The following SDK1 variants were observed in gnomAD, a reference collection of about 807,000 sequenced individuals.
The protein encoded by SDK1 is protein sidekick-1.
A neutral mutation model predicts 245.5 loss-of-function variants in SDK1; 157 were observed. That is an observed-to-expected ratio of 0.64 (90% CI 0.56 to 0.73). The LOEUF (loss-of-function observed/expected upper bound fraction) is 0.73, where lower values mean the gene tolerates loss of function less well. Among genes scored for constraint, SDK1 ranks in the 30% least tolerant of loss-of-function variants. The probability of loss-of-function intolerance (pLI) is 0.00; values close to 1 mark genes in which losing one functional copy is unlikely to be tolerated. For missense variants in SDK1, 3,583 were observed against 3,002.3 expected, an observed-to-expected ratio of 1.19 and a Z score of -4.52; for synonymous variants, 1,647 against 1,278.5, an observed-to-expected ratio of 1.29 and a Z score of -6.15.
chr7:3,427,521 C>CAAA (rs57827479), intron 1 of SDK1, among the ~76,000 whole-genome samples: 1 of 96,176 alleles, frequency 1.0e-5, no homozygotes, highest in African/African-American at 3.2e-5. Context: ...CTCCATCTCC[C>CAAA]AAAAAAAAAA....
At chr7:3,339,424 A>C (rs1034095714) in intron 1 of SDK1, among the ~76,000 whole-genome samples, 3 of 152,210 alleles carry the variant, frequency 2.0e-5, no homozygotes, top group Non-Finnish European at 2.9e-5. Context: ...TATAGGACTT[A>C]CACAATTGAC....
At chr7:3,860,352 A>T (rs1780661329) in intron 5 of SDK1, among the ~76,000 whole-genome samples, 1 of 152,204 alleles carries the variant, frequency 6.6e-6, no homozygotes, top group Non-Finnish European at 1.5e-5. Context: ...AAAGATGGGC[A>T]AAGGATTTGA....
intron 22 of SDK1, among the ~76,000 whole-genome samples, chr7:4,096,291 G>C (rs1375053525): frequency 6.6e-6 from 1 of 152,180 alleles, no homozygotes; most frequent in Non-Finnish European, 1.5e-5. Context: ...GGACCTGCAT[G>C]GATTTGTGTG....
intron 14 of SDK1, among the ~76,000 whole-genome samples, chr7:4,001,553 G>A (rs1382495943): frequency 1.3e-5 from 2 of 152,196 alleles, no homozygotes; most frequent in East Asian, 1.9e-4. Flanking sequence ...TCCATTAGCT[G>A]GGGGTTTCAT....
rs201953229 is a variant in SDK1 at position 4,145,929 on chromosome 7, G to C, written c.4423+13G>C. 2 of 1,586,664 alleles carry C rather than the reference G, an allele frequency of 1.3e-6. No individual in the cohort carries two copies. Among genetic ancestry groups the C allele is most frequent in the South Asian group, 2.3e-5 (2 of 87,264 alleles). ...ACCGAGAAGAGAGGTAAGACCTTGG[G>C]GGACCCGGGGGTACTGCAGATGTTG... is the stretch of plus-strand genomic sequence containing the variant. On this transcript the variant is annotated intron_variant, in intron 29 of 44. Transcript: ENST00000404826.
chr7:3,799,078 A>G (rs769298515), intron 4 of SDK1, among the ~76,000 whole-genome samples: 6 of 152,200 alleles, frequency 3.9e-5, no homozygotes, highest in African/African-American at 7.2e-5. Flanking sequence ...TTGTAATTGT[A>G]TGGATTTAAT....
At chr7:3,505,919 G>C (rs1782377712) in intron 1 of SDK1, among the ~76,000 whole-genome samples, 1 of 151,974 alleles carries the variant, frequency 6.6e-6, no homozygotes, top group Admixed American at 6.6e-5. Context: ...CCTGCCCCTT[G>C]TGCAATTACT....
chr7:3,352,017 G>A (rs1398652462), intron 1 of SDK1, among the ~76,000 whole-genome samples: 1 of 151,850 alleles, frequency 6.6e-6, no homozygotes, highest in African/African-American at 2.4e-5. Context: ...TTGAAATCAT[G>A]TAGAGTATTT....
intron 32 of SDK1, among the ~76,000 whole-genome samples, chr7:4,171,652 G>C (rs1204614260): frequency 6.6e-6 from 1 of 152,192 alleles, no homozygotes; most frequent in Non-Finnish European, 1.5e-5. Context: ...CTCATCCACT[G>C]GTGGTGGCCA....
At chr7:4,178,710 T>G (rs1782412094) in intron 35 of SDK1, 124 bp downstream of exon 35, 1 of 686,026 alleles carries the variant, frequency 1.5e-6, no homozygotes, top group African/African-American at 1.8e-5. Flanking sequence ...CACATTGCTG[T>G]CGGGGCTGAG....
In SDK1 at chr7:4,268,343, G is replaced by A. The variant is rs1012365474; in HGVS notation, c.*2959G>A. On this transcript the variant is annotated 3_prime_UTR_variant, in exon 45 of 45. Coordinates refer to ENST00000404826, the MANE Select transcript of SDK1 (RefSeq NM_152744.4). Reference sequence around the variant, plus strand: ...CAGGCAGGTGAGCCCAGAGAGAGCTGCCAGGCCACACCCCCTCGGCCTCCT... The same window carrying A: ...CAGGCAGGTGAGCCCAGAGAGAGCTACCAGGCCACACCCCCTCGGCCTCCT... The A allele has an allele frequency of 1.9e-6, 2 of 1,044,610 alleles. No homozygotes were observed. The highest frequency in any genetic ancestry group is 2.3e-6 in the Non-Finnish European group (2 of 863,898). The allele number at this position is 1,044,610 out of a possible 1,614,324, so 64.7% of individuals were successfully genotyped here.
chr7:4,074,856 T>TACTTTCTCTCTCTCTCTCTCTC lies in SDK1; in HGVS notation c.3011-2142_3011-2141insACTTTCTCTCTCTCTCTCTCTC, dbSNP rs1486926440. ...CCAGCCTGGGCAACAGAGCAAGACT[T>TACTTTCTCTCTCTCTCTCTCTC]TCTCTCTCTCTCTCTCTCTCTCTCT... is the stretch of plus-strand genomic sequence containing the variant. On this transcript the variant is annotated intron_variant, in intron 20 of 44. Coordinates refer to ENST00000404826, the MANE Select transcript of SDK1 (RefSeq NM_152744.4). Among the ~76,000 whole-genome samples, 417 of 71,826 alleles carry TACTTTCTCTCTCTCTCTCTCTC rather than the reference T, an allele frequency of 5.8e-3. 48 individuals are homozygous for TACTTTCTCTCTCTCTCTCTCTC. Among genetic ancestry groups the TACTTTCTCTCTCTCTCTCTCTC allele is most frequent in the African/African-American group, 0.013 (131 of 10,420 alleles). The allele number at this position is 71,826 out of a possible 152,430, so 47.1% of individuals were successfully genotyped here.
intron 1 of SDK1, among the ~76,000 whole-genome samples, chr7:3,447,150 A>G (rs1562491498): frequency 6.6e-6 from 1 of 152,192 alleles, no homozygotes; most frequent in African/African-American, 2.4e-5. Flanking sequence ...ATAATTCAGT[A>G]TTGTTTATAT....
At chr7:3,401,878 A>G (rs1185292915) in intron 1 of SDK1, among the ~76,000 whole-genome samples, 1 of 152,192 alleles carries the variant, frequency 6.6e-6, no homozygotes, top group African/African-American at 2.4e-5. Flanking sequence ...CTATTTAACT[A>G]TCTGGATTTG....
rs769835057 is a variant in SDK1, at chr7:4,014,636, G to A, written c.2420+2401G>A. 2.6e-5 allele frequency among the ~76,000 whole-genome samples: 4 copies of A among 152,176 alleles called. No homozygotes were observed. In the South Asian group the frequency reaches 6.2e-4, roughly 24 times the overall value. The stretch of plus-strand genomic sequence containing the variant: ...TCCAGCCATAAGAAGTAGTTAGGAC[G>A]CGTGTGCAGTAATAAAATATTTATA... On this transcript the variant is annotated intron_variant, in intron 16 of 44. Transcript: ENST00000404826.
chr7:3,502,715 G>T (rs1456886830), intron 1 of SDK1, among the ~76,000 whole-genome samples: 1 of 152,082 alleles, frequency 6.6e-6, no homozygotes, highest in South Asian at 2.1e-4. Context: ...TGTTATTGGG[G>T]TACCGTTTGG....
At chr7:4,229,954 G>T (rs1434035790) in intron 40 of SDK1, among the ~76,000 whole-genome samples, 2 of 151,472 alleles carry the variant, frequency 1.3e-5, no homozygotes, top group Non-Finnish European at 2.9e-5. Context: ...GAATGCAGGG[G>T]TTGGGGGTGG....
intron 1 of SDK1, among the ~76,000 whole-genome samples, chr7:3,561,119 A>T (rs1779737881): frequency 1.3e-5 from 2 of 151,902 alleles, no homozygotes; most frequent in South Asian, 4.2e-4. Context: ...TGCAAGCTTG[A>T]TGAGGGTAGG....
At chr7:3,383,823 T>C (rs951184752) in intron 1 of SDK1, among the ~76,000 whole-genome samples, 1 of 152,218 alleles carries the variant, frequency 6.6e-6, no homozygotes, top group African/African-American at 2.4e-5. Context: ...CTTTCACAAA[T>C]GGGTCTCATC....
Sources: allele counts gnomAD v4.1 joint callset (sites outside exome capture counted in the v4.1 genomes callset), GRCh38; gene constraint gnomAD v4.1.1; transcripts MANE v1.5; gene names NCBI Gene and HGNC (gene_info 2026-07-23, HGNC 2026-07-21).